The following PDE6A variants were observed in gnomAD, a reference collection of about 807,000 sequenced individuals.
The protein encoded by PDE6A is rod cGMP-specific 3',5'-cyclic phosphodiesterase subunit alpha.
A neutral mutation model predicts 106.3 loss-of-function variants in PDE6A; 84 were observed. The ratio of observed to expected loss-of-function variants is 0.79; its 90% CI spans 0.66 to 0.95. PDE6A has a LOEUF of 0.95. Ranked by LOEUF, PDE6A falls within the 40% of genes least tolerant of loss-of-function variation. The pLI is 0.00. For missense variants in PDE6A, 1,052 were observed against 1,084.9 expected (o/e 0.97, Z 0.43); for synonymous variants, 394 against 386.6 (o/e 1.02, Z -0.23).
At position 149,944,123 on chromosome 5, in the gene PDE6A, T is replaced by C. The variant is rs1157613403; in HGVS notation, c.474+77A>G. The C allele has an allele frequency of 7.3e-6, 8 of 1,101,554 alleles. No homozygotes were observed. The East Asian group carries it at 1.9e-4, about 26-fold the overall frequency. The allele number at this position is 1,101,554 out of a possible 1,614,324, so 68.2% of individuals were successfully genotyped here. On this transcript the variant is annotated intron_variant, in intron 1 of 21. Coordinates refer to ENST00000255266, the MANE Select transcript of PDE6A (RefSeq NM_000440.3). The stretch of plus-strand genomic sequence containing the variant: ...TCACCAGCCTTGTCTTGGTGGCCAA[T>C]GCCCCTCACCCCACCTGTACCCCAG...
chr5:149,876,578 C>A (rs1760750489), intron 17 of PDE6A, among the ~76,000 whole-genome samples: 1 of 152,078 alleles, frequency 6.6e-6, no homozygotes, highest in Admixed American at 6.6e-5. Flanking sequence ...TACCGGCTCA[C>A]TGCAAACTCC....
intron 4 of PDE6A, 67 bp from the exon 5 acceptor site, chr5:149,921,776 C>T (rs1753729700): frequency 1.6e-6 from 2 of 1,217,496 alleles, no homozygotes; most frequent in South Asian, 1.2e-5. Context: ...TTAAGATGTC[C>T]CACCTCCATG....
intron 1 of PDE6A, among the ~76,000 whole-genome samples, chr5:149,938,863 C>T (rs1374057818): frequency 6.6e-6 from 1 of 152,124 alleles, no homozygotes; most frequent in Non-Finnish European, 1.5e-5. Flanking sequence ...CATTACAGCC[C>T]AAAAGAACTA....
intron 4 of PDE6A, among the ~76,000 whole-genome samples, chr5:149,928,231 A>ATATATTTTT: frequency 5.1e-5 from 1 of 19,754 alleles, no homozygotes; most frequent in African/African-American, 4.8e-4. Context: ...ATATATATAT[A>ATATATTTTT]TTTTTTTTTT....
chr5:149,860,972 C>CT lies in PDE6A; in HGVS notation c.2507-2dup, dbSNP rs1424041835. 4 of 1,613,872 alleles carry CT rather than the reference C, an allele frequency of 2.5e-6. No individual in the cohort carries two copies. In the South Asian group the frequency reaches 4.4e-5, roughly 18 times the overall value. ...CCCCCCGGCTGATTTCCTGCGGCTG[C>CT]TGCAATGAAACAGGAAAAAGAACAC... On this transcript the variant is annotated splice_acceptor_variant, in intron 21 of 21. Coordinates refer to ENST00000255266, the MANE Select transcript of PDE6A (RefSeq NM_000440.3). LOFTEE classifies it high-confidence loss of function.
At chr5:149,880,675 A>T (rs1760890026) in intron 17 of PDE6A, among the ~76,000 whole-genome samples, 1 of 150,810 alleles carries the variant, frequency 6.6e-6, no homozygotes, top group Non-Finnish European at 1.5e-5. Flanking sequence ...ATTGCATTCC[A>T]TCCTGGGCAA....
chr5:149,925,574 G>A (rs1280801168), intron 4 of PDE6A, among the ~76,000 whole-genome samples: 4 of 151,920 alleles, frequency 2.6e-5, no homozygotes, highest in South Asian at 2.1e-4. Context: ...GAGCATGGTG[G>A]CCTGCACTCA....
rs1313077134 is a variant in PDE6A at position 149,898,350 on chromosome 5, G to A, written c.1407+13C>T. 6.2e-7 allele frequency: 1 copy of A among 1,612,276 alleles called. No individual in the cohort carries two copies. Among genetic ancestry groups the A allele is most frequent in the Admixed American group, 1.7e-5 (1 of 60,002 alleles). Reference sequence around the variant, plus strand: ...CTGTATTAGAGTAGAAACAAGTAAAGAACATTACACACCAAGATTTTCTGA... The same window carrying A: ...CTGTATTAGAGTAGAAACAAGTAAAAAACATTACACACCAAGATTTTCTGA... On this transcript the variant is annotated intron_variant, in intron 10 of 21. Transcript: ENST00000255266.
At chr5:149,922,989 C>T (rs1753764615) in intron 4 of PDE6A, among the ~76,000 whole-genome samples, 1 of 152,232 alleles carries the variant, frequency 6.6e-6, no homozygotes, top group Non-Finnish European at 1.5e-5. Flanking sequence ...TTCAACCAAT[C>T]ACAGGCAGCC....
chr5:149,936,158 A>AAAGGAAGGGAGGAAGG (rs1554092685), intron 1 of PDE6A, among the ~76,000 whole-genome samples: 15 of 130,728 alleles, frequency 1.1e-4, no homozygotes, highest in African/African-American at 4.8e-4. Flanking sequence ...TGTCTCTAAA[A>AAAGGAAGGGAGGAAGG]AAGGAAGGAA....
intron 16 of PDE6A, among the ~76,000 whole-genome samples, chr5:149,884,215 T>TAC (rs780693123): frequency 0.038 from 5,492 of 146,440 alleles, 152 homozygotes; most frequent in Admixed American, 0.053. Flanking sequence ...TATATATATA[T>TAC]ACACACACAC....
rs2113673043 is a variant in PDE6A at position 149,944,210 on chromosome 5, T to C, written c.464A>G (p.Asn155Ser). Residue 155 changes from asparagine (N) to serine (S), a missense_variant, in exon 1 of 22, where the codon AAC becomes AGC. Asn to Ser is a conservative substitution (Grantham distance 46). Transcript: ENST00000255266. ...TGGGGAAGAGAGTACCTCCTCTGTG[T>C]TGGGGACGTTAGCAATCTTCTTAGA... Reference protein sequence around the residue: ...AHSKKIANVPNTEEDEHFCDF... With the variant: ...AHSKKIANVPSTEEDEHFCDF... 1 of 1,612,774 alleles carries C rather than the reference T, an allele frequency of 6.2e-7. No homozygotes were observed. Among genetic ancestry groups the C allele is most frequent in the Non-Finnish European group, 8.5e-7 (1 of 1,178,954 alleles).
rs10057110 is a variant in PDE6A at position 149,934,000 on chromosome 5, T to G, written c.647A>C (p.Asn216Thr). Residue 216 changes from asparagine (N) to threonine (T), a missense_variant, in exon 3 of 22, where the codon AAT becomes ACT. By Grantham distance (65) the Asn-to-Thr change is moderately conservative. Around this residue, in one of 3 missense-constraint regions of PDE6A, gnomAD observed 913 missense variants for 915.2 expected, o/e 1.00. Coordinates refer to ENST00000255266, the MANE Select transcript of PDE6A (RefSeq NM_000440.3). ...CACCTTCATGATTAGATTTGCAAAATTGAGGTACTTGAGAAGAATCTAAAA... is the reference window on the plus strand; with the variant it reads ...CACCTTCATGATTAGATTTGCAAAAGTGAGGTACTTGAGAAGAATCTAAAA... The part of the protein sequence containing the change: ...RDEEILLKYL[N>T]FANLIMKVYH... 2 of 1,609,744 alleles carry G rather than the reference T, an allele frequency of 1.2e-6. No individual in the cohort carries two copies. Among genetic ancestry groups the G allele is most frequent in the African/African-American group, 2.7e-5 (2 of 74,928 alleles).
At chr5:149,913,129 C>T (rs896909008) in intron 6 of PDE6A, among the ~76,000 whole-genome samples, 2 of 152,110 alleles carry the variant, frequency 1.3e-5, no homozygotes, top group Non-Finnish European at 2.9e-5. Context: ...TGCCAGTAAT[C>T]CCAGCACTTT....
At chr5:149,903,619 A>T (rs565666477) in intron 8 of PDE6A, 29 bp downstream of exon 8, 1 of 1,584,718 alleles carries the variant, frequency 6.3e-7, no homozygotes, top group Non-Finnish European at 8.7e-7. Context: ...AAATCATATG[A>T]CTAAGACTGC....
At chr5:149,917,057 T>C (rs1200704357) in intron 5 of PDE6A, among the ~76,000 whole-genome samples, 1 of 152,044 alleles carries the variant, frequency 6.6e-6, no homozygotes, top group African/African-American at 2.4e-5. Flanking sequence ...ATCTTTTTTT[T>C]TTTTTTTGTG....
chr5:149,944,349 C>T lies in PDE6A; in HGVS notation c.325G>A (p.Ala109Thr), dbSNP rs954490455. The T allele has an allele frequency of 5.0e-6, 8 of 1,613,972 alleles. No individual in the cohort carries two copies. Among genetic ancestry groups the T allele is most frequent in the Admixed American group, 3.3e-5 (2 of 59,980 alleles). The change falls in exon 1 of 22, where the codon GCC (alanine) becomes ACC (threonine). Residue 109 changes from alanine to threonine, a missense_variant. Transcript: ENST00000255266. ...YRTRNGIAELATRLFNVHKDA... is the reference protein window; with the variant it reads ...YRTRNGIAELTTRLFNVHKDA... ...TTGTGGACATTGAAAAGCCTGGTGGCCAGCTCTGCGATGCCATTGCGGGTC... is the reference window on the plus strand; with the variant it reads ...TTGTGGACATTGAAAAGCCTGGTGGTCAGCTCTGCGATGCCATTGCGGGTC...
chr5:149,934,578 C>G lies in PDE6A; in HGVS notation c.615G>C (p.Lys205Asn), dbSNP rs1206275099. The part of the protein sequence containing the change: ...VNKVDGSHFT[K>N]RDEEILLKYL... ...AAAGCATTCTTACCTCTTCATCTCT[C>G]TTGGTGAAGTGGGATCCATCCACTT... The change falls in exon 2 of 22, where the codon AAG becomes AAC. Residue 205 changes from lysine (K) to asparagine (N), a missense_variant. This residue lies in a region of PDE6A where 913 missense variants were observed against 915.2 expected (regional missense o/e 1.00). Coordinates refer to ENST00000255266, the MANE Select transcript of PDE6A (RefSeq NM_000440.3). The G allele has an allele frequency of 6.2e-7, 1 of 1,614,024 alleles. No homozygotes were observed. Among genetic ancestry groups the G allele is most frequent in the African/African-American group, 1.3e-5 (1 of 74,938 alleles).
Position 149,888,974 on chromosome 5 carries a change from T to A in PDE6A, c.1729-2600A>T, listed in dbSNP as rs192155552. ...GGCGGGCGCCTGTAGTCCCAGCTACTCGGGAGGCTGAGGCAGGAGAATGGC... is the reference window on the plus strand; with the variant it reads ...GGCGGGCGCCTGTAGTCCCAGCTACACGGGAGGCTGAGGCAGGAGAATGGC... On this transcript the variant is annotated intron_variant, in intron 13 of 21. Coordinates refer to ENST00000255266, the MANE Select transcript of PDE6A (RefSeq NM_000440.3). Among the ~76,000 whole-genome samples the A allele has an allele frequency of 6.2e-3, 935 of 150,518 alleles. 15 individuals are homozygous for A. Among genetic ancestry groups the A allele is most frequent in the African/African-American group, 0.022 (897 of 40,770 alleles).
Sources: gnomAD v4.1 joint callset for allele counts (sites outside exome capture counted in the v4.1 genomes callset) on GRCh38, gnomAD v4.1.1 for gene constraint, gnomAD v4.1.1 regional missense constraint, MANE v1.5 for transcripts, NCBI Gene and HGNC (gene_info 2026-07-23, HGNC 2026-07-21) for gene names.